The following FBXO25 variants were observed in gnomAD, a reference collection of about 807,000 sequenced individuals.
FBXO25 encodes the protein F-box only protein 25.
Under a neutral mutation model 51.9 loss-of-function variants are expected in FBXO25, and 45 were observed. The observed-to-expected ratio is 0.87, with a 90% CI of 0.68 to 1.11. The LOEUF (loss-of-function observed/expected upper bound fraction) is 1.11, where lower values mean the gene tolerates loss of function less well. Ranked by LOEUF, FBXO25 falls within the 50% of genes most tolerant of loss-of-function variation. FBXO25 has a pLI of 0.00. For missense variants in FBXO25, 507 were observed against 428.5 expected (o/e 1.18, Z -1.62); for synonymous variants, 199 against 151.0 (o/e 1.32, Z -2.33).
At chr8:451,881 G>A (rs1799122222) in intron 7 of FBXO25, among the ~76,000 whole-genome samples, 1 of 152,158 alleles carries the variant, frequency 6.6e-6, no homozygotes, top group South Asian at 2.1e-4. Flanking sequence ...CTTAGCAACA[G>A]TGAACAAGGC....
intron 9 of FBXO25, chr8:467,821 T>C: frequency 6.2e-7 from 1 of 1,604,136 alleles, no homozygotes; most frequent in South Asian, 1.1e-5. Context: ...ATGCACGTCA[T>C]CTTGGCCACT....
intron 6 of FBXO25, 79 bp downstream of exon 6, chr8:450,162 CT>C: frequency 9.8e-7 from 1 of 1,020,382 alleles, no homozygotes; most frequent in Non-Finnish European, 1.5e-6. Context: ...TTTCTTTTAT[CT>C]TTACCCAGTA....
At chr8:407,263 G>A (rs1328853202) in intron 1 of FBXO25, 197 bp downstream of exon 1, 3 of 765,096 alleles carry the variant, frequency 3.9e-6, no homozygotes, top group Non-Finnish European at 4.7e-6. Flanking sequence ...CCTGTGGGAG[G>A]GTCAGGTGGG....
Position 455,999 on chromosome 8 carries a change from G to A in FBXO25, c.661-2370G>A, listed in dbSNP as rs181188101. 2.4e-3 allele frequency among the ~76,000 whole-genome samples: 365 copies of A among 152,236 alleles called. 1 individual carries two copies. The highest frequency in any genetic ancestry group is 8.0e-3 in the African/African-American group (331 of 41,532). On this transcript the variant is annotated intron_variant, in intron 7 of 9. Transcript: ENST00000350302. The stretch of plus-strand genomic sequence containing the variant: ...CCAGACTCTATAACTCTACTAATCC[G>A]GGATTTTTTTTCTTCGTACTACCTT...
At chr8:460,016 A>G (rs1237076329) in intron 8 of FBXO25, among the ~76,000 whole-genome samples, 1 of 152,092 alleles carries the variant, frequency 6.6e-6, no homozygotes, top group East Asian at 1.9e-4. Flanking sequence ...TTGAATTTTA[A>G]GTCAGCATTG....
intron 2 of FBXO25, among the ~76,000 whole-genome samples, chr8:418,951 AGTATTTTCACAATGTAAAGTAG>A (rs1301525315): frequency 6.6e-6 from 1 of 152,242 alleles, no homozygotes; most frequent in African/African-American, 2.4e-5. Flanking sequence ...AGAAGAAAAC[AGTATTTTCACAATGTAAAGTAG>A]GCAGATTGCT....
At chr8:449,389 C>T (rs796772211) in intron 5 of FBXO25, among the ~76,000 whole-genome samples, 2 of 152,228 alleles carry the variant, frequency 1.3e-5, no homozygotes, top group South Asian at 4.1e-4. Flanking sequence ...TGGGTTCTGT[C>T]ACAGGGATTT....
chr8:460,265 C>T (rs55744847), intron 8 of FBXO25, among the ~76,000 whole-genome samples: 4,645 of 152,172 alleles, frequency 0.031, 220 homozygotes, highest in African/African-American at 0.094. Flanking sequence ...TGGTCATTGC[C>T]ATTCTTAAAA....
intron 7 of FBXO25, among the ~76,000 whole-genome samples, 190 bp downstream of exon 7, chr8:451,643 G>C (rs939984366): frequency 6.6e-6 from 1 of 152,196 alleles, no homozygotes; most frequent in Non-Finnish European, 1.5e-5. Context: ...CTATTGGAAA[G>C]ACAGTGGGAA....
rs538916430 is a variant in FBXO25 at position 472,278 on chromosome 8, T to A, written c.*3474T>A. 32 of 152,340 alleles carry A rather than the reference T, an allele frequency of 2.1e-4. No individual in the cohort carries two copies. The highest frequency in any genetic ancestry group is 7.2e-4 in the African/African-American group (30 of 41,582). The allele number at this position is 152,340 out of a possible 1,614,324, so 9.4% of individuals were successfully genotyped here. On this transcript the variant is annotated 3_prime_UTR_variant, in exon 10 of 10. Transcript: ENST00000350302. ...GTTTTTATCGTGAAAGGGTGTGGAT[T>A]TTGTCAAATGCTTTTTCTGCATCTC... is the stretch of plus-strand genomic sequence containing the variant.
At position 472,124 on chromosome 8, in the gene FBXO25, T is replaced by G. The variant is rs958262930; in HGVS notation, c.*3320T>G. On this transcript the variant is annotated 3_prime_UTR_variant, in exon 10 of 10. Transcript: ENST00000350302. Reference sequence around the variant, plus strand: ...ACAATGTTGAATAGCAGTGCGAGAGTGAACATCCTTGTCTTGTTCCTCATC... The same window carrying G: ...ACAATGTTGAATAGCAGTGCGAGAGGGAACATCCTTGTCTTGTTCCTCATC... 2.0e-5 allele frequency: 3 copies of G among 152,200 alleles called. No individual in the cohort carries two copies. Among genetic ancestry groups the G allele is most frequent in the African/African-American group, 7.2e-5 (3 of 41,446 alleles). The allele number at this position is 152,200 out of a possible 1,614,324, so 9.4% of individuals were successfully genotyped here. A position where few individuals can be genotyped will look rare whatever the true frequency, so the allele number is the denominator to read the frequency against.
intron 7 of FBXO25, among the ~76,000 whole-genome samples, chr8:455,367 GA>G (rs1418665728): frequency 1.3e-5 from 2 of 152,206 alleles, no homozygotes. Flanking sequence ...TGAACTTGGG[GA>G]TACTTGAGCA....
At chr8:444,003 C>A (rs1798587492) in intron 5 of FBXO25, among the ~76,000 whole-genome samples, 1 of 152,178 alleles carries the variant, frequency 6.6e-6, no homozygotes, top group Admixed American at 6.5e-5. Flanking sequence ...AGTGCTGTGG[C>A]CTTGGGGCCA....
intron 7 of FBXO25, among the ~76,000 whole-genome samples, chr8:458,002 T>G (rs1208055883): frequency 6.6e-6 from 1 of 152,182 alleles, no homozygotes; most frequent in Non-Finnish European, 1.5e-5. Flanking sequence ...TCATGGTGCA[T>G]TGGATTCATC....
chr8:436,782 G>T (rs1798129992), intron 5 of FBXO25, among the ~76,000 whole-genome samples: 1 of 152,222 alleles, frequency 6.6e-6, no homozygotes, highest in Admixed American at 6.5e-5. Context: ...GTTTCTCCAT[G>T]TAGCTCTCTG....
chr8:443,234 C>A (rs1348586785), intron 5 of FBXO25, among the ~76,000 whole-genome samples: 2 of 150,716 alleles, frequency 1.3e-5, no homozygotes, highest in Non-Finnish European at 1.5e-5. Context: ...ATACGGCATG[C>A]CAAAAAAAGT....
chr8:476,208 G>A lies in FBXO25; in HGVS notation c.*7404G>A, dbSNP rs975471379. The A allele has an allele frequency of 6.6e-6, 1 of 152,094 alleles. No individual in the cohort carries two copies. Among genetic ancestry groups the A allele is most frequent in the Non-Finnish European group, 1.5e-5 (1 of 68,004 alleles). The allele number at this position is 152,094 out of a possible 1,614,324, so 9.4% of individuals were successfully genotyped here. A position where few individuals can be genotyped will look rare whatever the true frequency, so the allele number is the denominator to read the frequency against. On this transcript the variant is annotated 3_prime_UTR_variant, in exon 10 of 10. Coordinates refer to ENST00000350302, the MANE Select transcript of FBXO25 (RefSeq NM_183420.2). ...GTTGAAACATCTTTGCATACCAGCT[G>A]TAAATCTTACTTGGCCATGATGTGT...
intron 7 of FBXO25, among the ~76,000 whole-genome samples, chr8:454,651 G>T (rs1799301959): frequency 6.6e-6 from 1 of 152,170 alleles, no homozygotes; most frequent in Non-Finnish European, 1.5e-5. Flanking sequence ...CAGCACTTTG[G>T]GAGGCCGAGG....
chr8:441,470 G>A (rs1297199159), intron 5 of FBXO25, among the ~76,000 whole-genome samples: 1 of 152,202 alleles, frequency 6.6e-6, no homozygotes, highest in African/African-American at 2.4e-5. Flanking sequence ...AAGACTTGAT[G>A]TCTAAAACAC....
Sources: allele counts gnomAD v4.1 joint callset (sites outside exome capture counted in the v4.1 genomes callset), GRCh38; gene constraint gnomAD v4.1.1; transcripts MANE v1.5; gene names NCBI Gene and HGNC (gene_info 2026-07-23, HGNC 2026-07-21).